The following MAPK11 variants were observed in gnomAD, a reference collection of about 807,000 sequenced individuals.
The protein encoded by MAPK11 is MAP kinase 11.
In MAPK11, 44 loss-of-function variants were observed where a neutral mutation model predicts 52.2. That is an observed-to-expected ratio of 0.84 (90% CI 0.66 to 1.08). MAPK11 has a LOEUF of 1.08. MAPK11 is among the 50% of genes least tolerant of loss of function. The pLI, the probability that MAPK11 is intolerant of heterozygous loss-of-function variation, is 0.00. For missense variants in MAPK11, 436 were observed against 494.7 expected (o/e 0.88, Z 1.13); for synonymous variants, 233 against 206.3 (o/e 1.13, Z -1.11).
chr22:50,269,921 T>C (rs1601655762), intron 1 of MAPK11, among the ~76,000 whole-genome samples: 1 of 151,744 alleles, frequency 6.6e-6, no homozygotes, highest in Non-Finnish European at 1.5e-5. Context: ...CTCCCAGGCC[T>C]CAGGCCTGGT....
rs1237989128 is a variant in MAPK11, at chr22:50,270,344, C to CGCCCGAGCCGAGCCCGAGCCGA, written c.-74_-53dup. Reference sequence around the variant, plus strand: ...GGCCCAGCCCCGCGCCCCGCGCCCGCGCCCGAGCCGAGCCCGAGCCGAGCG... The same window carrying CGCCCGAGCCGAGCCCGAGCCGA: ...GGCCCAGCCCCGCGCCCCGCGCCCGCGCCCGAGCCGAGCCCGAGCCGAGCCCGAGCCGAGCCCGAGCCGAGCG... On this transcript the variant is annotated 5_prime_UTR_variant, in exon 1 of 12. Transcript: ENST00000330651. This position sits in a 1 kb window ranked among gnomAD's most constrained non-coding sequence, Gnocchi z 6.3. 2.6e-6 allele frequency: 2 copies of CGCCCGAGCCGAGCCCGAGCCGA among 761,866 alleles called. No individual in the cohort carries two copies. Among genetic ancestry groups the CGCCCGAGCCGAGCCCGAGCCGA allele is most frequent in the Non-Finnish European group, 3.3e-6 (2 of 604,282 alleles). The allele number at this position is 761,866 out of a possible 1,614,324, so 47.2% of individuals were successfully genotyped here. A position where few individuals can be genotyped will look rare whatever the true frequency, so the allele number is the denominator to read the frequency against.
chr22:50,268,001 A>G, intron 1 of MAPK11, 52 bp from the exon 2 acceptor site: 3 of 1,455,556 alleles, frequency 2.1e-6, no homozygotes, highest in Non-Finnish European at 2.7e-6. Flanking sequence ...GGGCGGCCGC[A>G]CGCGCGTGGA....
In MAPK11 at chr22:50,267,426, G is replaced by A; in HGVS notation, c.362C>T (p.Ala121Val). ...GAATTGAACGTGCTCGTCGCTCAGC[G>A]CCTGGCACTTGACGATGTTGTTCAG... ...ADLNNIVKCQ[A>V]LSDEHVQFLV... Residue 121 changes from alanine to valine, a missense_variant, in exon 4 of 12, where the codon GCG (alanine) becomes GTG (valine). Transcript: ENST00000330651. 1.2e-6 allele frequency: 2 copies of A among 1,610,858 alleles called. No homozygotes were observed. Among genetic ancestry groups the A allele is most frequent in the African/African-American group, 2.7e-5 (2 of 74,998 alleles).
Position 50,270,244 on chromosome 22 carries a change from C to G in MAPK11, c.49G>C (p.Val17Leu), listed in dbSNP as rs1307345435. 1 of 1,490,002 alleles carries G rather than the reference C, an allele frequency of 6.7e-7. No homozygotes were observed. The highest frequency in any genetic ancestry group is 1.5e-5 in the African/African-American group (1 of 68,698). The allele number at this position is 1,490,002 out of a possible 1,614,324, so 92.3% of individuals were successfully genotyped here. A position where few individuals can be genotyped will look rare whatever the true frequency, so the allele number is the denominator to read the frequency against. The change falls in exon 1 of 12, where the codon GTG (valine) becomes CTG (leucine). Residue 17 changes from valine to leucine, a missense_variant. Transcript: ENST00000330651. This position sits in a 1 kb window ranked among gnomAD's most constrained non-coding sequence, Gnocchi z 6.3. ...TGCAGCCGCTGCGGCACCTCCCACACGGTCTTGTTCAGCTCCTGCCGGTAG... is the reference window on the plus strand; with the variant it reads ...TGCAGCCGCTGCGGCACCTCCCACAGGGTCTTGTTCAGCTCCTGCCGGTAG... ...GFYRQELNKTVWEVPQRLQGL... is the reference protein window; with the variant it reads ...GFYRQELNKTLWEVPQRLQGL...
At chr22:50,266,350 C>A (rs1335671150) in intron 8 of MAPK11, 45 bp from the exon 9 acceptor site, 1 of 1,560,806 alleles carries the variant, frequency 6.4e-7, no homozygotes, top group Admixed American at 1.9e-5. Context: ...CAGACCCCTC[C>A]TGGGCCCCCA....
In MAPK11 at chr22:50,264,981, C is replaced by T. The variant is rs757405111; in HGVS notation, c.1062G>A (p.Pro354=). 25 of 1,613,008 alleles carry T rather than the reference C, an allele frequency of 1.5e-5. No homozygotes were observed. In the East Asian group the frequency reaches 1.8e-4, roughly 11 times the overall value. ...CAATCTCCAGGCTGCCAGGTGGCTT[C>T]GGTGGCTCTGGGGGCTTGAAGCTGA... ...EVLSFKPPEP[P]KPPGSLEIEQ Residue 354 remains proline, a synonymous_variant, in exon 12 of 12, where the codon CCG becomes CCA. Coordinates refer to ENST00000330651, the MANE Select transcript of MAPK11 (RefSeq NM_002751.7).
rs34429046 is a variant in MAPK11, at chr22:50,264,824, G to C, written c.*124C>G. 816 of 650,444 alleles carry C rather than the reference G, an allele frequency of 1.3e-3. 1 individual carries two copies. The African/African-American group carries it at 0.013, about 11-fold the overall frequency. 40.3% of individuals were successfully genotyped at this position (650,444 alleles called of 1,614,324 possible). A position where few individuals can be genotyped will look rare whatever the true frequency, so the allele number is the denominator to read the frequency against. On this transcript the variant is annotated 3_prime_UTR_variant, in exon 12 of 12. Transcript: ENST00000330651. ...GTGTAGATTCTCCTGAAGGCGAGGG[G>C]TCCTAGGCCAGAAGTCTGTGACCAT...
rs2065245408 is a variant in MAPK11, at chr22:50,264,287, CAT to C, written c.*659_*660del. ...CCACAGATTCACACGCACCACATCACATGTGCCCTGACATATGAACACGGGGA... is the reference window on the plus strand; with the variant it reads ...CCACAGATTCACACGCACCACATCACGTGCCCTGACATATGAACACGGGGA... On this transcript the variant is annotated 3_prime_UTR_variant, in exon 12 of 12. Coordinates refer to ENST00000330651, the MANE Select transcript of MAPK11 (RefSeq NM_002751.7). 6.6e-6 allele frequency: 1 copy of C among 152,350 alleles called. No individual in the cohort carries two copies. The highest frequency in any genetic ancestry group is 1.5e-5 in the Non-Finnish European group (1 of 68,134). The allele number at this position is 152,350 out of a possible 1,614,324, so 9.4% of individuals were successfully genotyped here. A position where few individuals can be genotyped will look rare whatever the true frequency, so the allele number is the denominator to read the frequency against.
At chr22:50,268,034 G>A in intron 1 of MAPK11, 85 bp from the exon 2 acceptor site, 3 of 1,380,110 alleles carry the variant, frequency 2.2e-6, no homozygotes, top group Admixed American at 3.1e-5. Context: ...CCCTCTCGCC[G>A]CTTCTCCGTG....
At position 50,265,088 on chromosome 22, in the gene MAPK11, G is replaced by A. The variant is rs532388400; in HGVS notation, c.1016-61C>T. On this transcript the variant is annotated intron_variant, in intron 11 of 11. Coordinates refer to ENST00000330651, the MANE Select transcript of MAPK11 (RefSeq NM_002751.7). ...CCACAGCCCGGCCCCTCACCTGCTT[G>A]TCTGGCACCTGCCACCCAGCCCAGG... The A allele has an allele frequency of 2.5e-5, 37 of 1,451,024 alleles. No individual in the cohort carries two copies. In the African/African-American group the frequency reaches 2.6e-4, roughly 10 times the overall value. 89.9% of individuals were successfully genotyped at this position (1,451,024 alleles called of 1,614,324 possible). A position where few individuals can be genotyped will look rare whatever the true frequency, so the allele number is the denominator to read the frequency against.
chr22:50,266,863 T>A (rs1348095588), intron 7 of MAPK11, 71 bp downstream of exon 7: 1 of 1,440,384 alleles, frequency 6.9e-7, no homozygotes, highest in Non-Finnish European at 9.6e-7. Context: ...CCCTAAGACC[T>A]GGCATGCAGA....
Position 50,270,134 on chromosome 22 carries a change from C to A in MAPK11, c.116+43G>T. ...GCGAGGAGGGGACGCGCTCTCCGGCCCGGCCCGGCCCCCACCCAGCACCCC... is the reference window on the plus strand; with the variant it reads ...GCGAGGAGGGGACGCGCTCTCCGGCACGGCCCGGCCCCCACCCAGCACCCC... On this transcript the variant is annotated intron_variant, in intron 1 of 11. Transcript: ENST00000330651. This position sits in a 1 kb window ranked among gnomAD's most constrained non-coding sequence, Gnocchi z 6.3. 3 of 1,098,410 alleles carry A rather than the reference C, an allele frequency of 2.7e-6. No individual in the cohort carries two copies. The highest frequency in any genetic ancestry group is 3.6e-6 in the Non-Finnish European group (3 of 836,228). The allele number at this position is 1,098,410 out of a possible 1,614,324, so 68.0% of individuals were successfully genotyped here.
rs1895265240 is a variant in MAPK11, at chr22:50,267,034, C to G, written c.510G>C (p.Gly170=). ...EDCELRILDF[G]LARQADEEMT... ...TCTCCTCGTCCGCCTGGCGCGCCAG[C>G]CCAAAATCCAGGATCTGGGGCGACC... Residue 170 remains glycine, a synonymous_variant, in exon 7 of 12, where the codon GGG becomes GGC. Transcript: ENST00000330651. 1 of 1,612,218 alleles carries G rather than the reference C, an allele frequency of 6.2e-7. No individual in the cohort carries two copies. Among genetic ancestry groups the G allele is most frequent in the Non-Finnish European group, 8.5e-7 (1 of 1,179,548 alleles).
intron 1 of MAPK11, 69 bp from the exon 2 acceptor site, chr22:50,268,018 C>A: frequency 1.5e-6 from 2 of 1,376,250 alleles, no homozygotes; most frequent in Non-Finnish European, 1.9e-6. Flanking sequence ...TGGACCCGGG[C>A]GGCGTCCCTC....
chr22:50,267,775 C>T, intron 2 of MAPK11, 45 bp downstream of exon 2: 1 of 1,488,848 alleles, frequency 6.7e-7, no homozygotes. Flanking sequence ...CGCCGCGGCC[C>T]CGCCCCCGCA....
chr22:50,269,523 G>A (rs1313072033), intron 1 of MAPK11, among the ~76,000 whole-genome samples: 1 of 152,218 alleles, frequency 6.6e-6, no homozygotes, highest in African/African-American at 2.4e-5. Flanking sequence ...AGGACTCCCG[G>A]TAACTACCTC....
chr22:50,267,080 G>C (rs199568812), intron 6 of MAPK11, 32 bp from the exon 7 acceptor site: 5 of 1,611,130 alleles, frequency 3.1e-6, no homozygotes, highest in Non-Finnish European at 4.2e-6. Context: ...CTCAAGCTCC[G>C]CACGGGCTCC....
At chr22:50,268,965 G>A (rs973043042) in intron 1 of MAPK11, among the ~76,000 whole-genome samples, 3 of 152,268 alleles carry the variant, frequency 2.0e-5, no homozygotes, top group East Asian at 1.9e-4. Flanking sequence ...GCATCTGTGC[G>A]GTCAGGTGAC....
chr22:50,269,569 AAC>A (rs1253464500), intron 1 of MAPK11, among the ~76,000 whole-genome samples: 2 of 152,200 alleles, frequency 1.3e-5, no homozygotes, highest in African/African-American at 4.8e-5. Context: ...ACCCGGGTCT[AAC>A]AGAGACCTTG....
Sources: allele counts gnomAD v4.1 joint callset (sites outside exome capture counted in the v4.1 genomes callset), GRCh38; gene constraint gnomAD v4.1.1; non-coding constraint Gnocchi (gnomAD v3.1); transcripts MANE v1.5; gene names NCBI Gene and HGNC (gene_info 2026-07-23, HGNC 2026-07-21).